Variants in DYM observed in about 807,000 individuals in gnomAD.
The protein encoded by DYM is dyggve-Melchior-Clausen syndrome protein.
Under a neutral mutation model 93.1 loss-of-function variants are expected in DYM, and 78 were observed. The observed-to-expected ratio is 0.84, with a 90% CI of 0.70 to 1.01. DYM has a LOEUF of 1.01. Ranked by LOEUF, DYM falls within the 50% of genes least tolerant of loss-of-function variation. The pLI is 0.00. For missense variants in DYM, 789 were observed against 845.0 expected, an observed-to-expected ratio of 0.93 and a Z score of 0.82; for synonymous variants, 321 against 319.7, an observed-to-expected ratio of 1.00 and a Z score of -0.04.
intron 16 of DYM, among the ~76,000 whole-genome samples, chr18:49,113,863 GA>G (rs2081659621): frequency 6.6e-6 from 1 of 152,150 alleles, no homozygotes; most frequent in Admixed American, 6.5e-5. Flanking sequence ...CACTATTTTG[GA>G]TGATAGTATT....
chr18:49,174,842 A>C (rs1410838894), intron 14 of DYM, among the ~76,000 whole-genome samples: 2 of 151,290 alleles, frequency 1.3e-5, no homozygotes, highest in East Asian at 1.9e-4. Context: ...AGACAGAGAG[A>C]GAGCGAGAAC....
chr18:49,143,677 A>G (rs771297302), intron 15 of DYM, among the ~76,000 whole-genome samples: 7 of 152,294 alleles, frequency 4.6e-5, no homozygotes, highest in Middle Eastern at 3.4e-3. Flanking sequence ...CATAAAATTT[A>G]CCATTGTAAC....
intron 6 of DYM, among the ~76,000 whole-genome samples, chr18:49,339,284 T>C (rs2063905360): frequency 6.6e-6 from 1 of 152,180 alleles, no homozygotes; most frequent in Admixed American, 6.5e-5. Context: ...CACAGAGATA[T>C]GTCTGAGAAA....
At chr18:49,239,495 G>A (rs76816954) in intron 13 of DYM, among the ~76,000 whole-genome samples, 2,291 of 152,250 alleles carry the variant, frequency 0.015, 57 homozygotes, top group African/African-American at 0.052. Flanking sequence ...GGCTGGTCTC[G>A]TGACCTGCTT....
intron 14 of DYM, among the ~76,000 whole-genome samples, chr18:49,166,293 T>C (rs2087854836): frequency 1.3e-5 from 2 of 152,206 alleles, no homozygotes. Flanking sequence ...TTTGTCTATC[T>C]AACAATATAT....
At chr18:49,234,559 G>C (rs10775492) in intron 13 of DYM, among the ~76,000 whole-genome samples, 139,721 of 152,146 alleles carry the variant, frequency 0.92, 64,413 homozygotes, top group African/African-American at 0.96. Context: ...GAAGGAGGAT[G>C]AAACCCTAGG....
At position 49,319,579 on chromosome 18, in the gene DYM, G is replaced by A. The variant is rs1201891126; in HGVS notation, c.763+12285C>T. 2.6e-5 allele frequency among the ~76,000 whole-genome samples: 4 copies of A among 152,152 alleles called. No individual in the cohort carries two copies. In the East Asian group the frequency reaches 5.8e-4, roughly 22 times the overall value. On this transcript the variant is annotated intron_variant, in intron 8 of 17. Transcript: ENST00000675505. ...GTAAACGAGTATTTGTTTTCAGCTC[G>A]CATTTTGTTCTGGACACTTATCACA... is the stretch of plus-strand genomic sequence containing the variant.
At chr18:49,135,138 T>C (rs1418209723) in intron 15 of DYM, among the ~76,000 whole-genome samples, 2 of 151,610 alleles carry the variant, frequency 1.3e-5, no homozygotes, top group Non-Finnish European at 2.9e-5. Flanking sequence ...AAAAACCACT[T>C]CTCTCCAGAT....
chr18:49,363,108 T>C (rs976257810), intron 6 of DYM, 53 bp downstream of exon 6: 5 of 1,403,344 alleles, frequency 3.6e-6, no homozygotes, highest in Non-Finnish European at 5.1e-6. Context: ...GATCAATGAT[T>C]ATCTGCCATA....
chr18:49,441,120 T>TAAA (rs1431193950), intron 1 of DYM, among the ~76,000 whole-genome samples: 154 of 5,340 alleles, frequency 0.029, 5 homozygotes, highest in Non-Finnish European at 0.063. Flanking sequence ...TATAAATATA[T>TAAA]TATATATTTA....
chr18:49,175,008 G>C (rs2089223926), intron 14 of DYM, among the ~76,000 whole-genome samples: 1 of 152,168 alleles, frequency 6.6e-6, no homozygotes. Context: ...TTTACTTGCA[G>C]ATTATAATAG....
chr18:49,057,534 G>A (rs960629569), intron 17 of DYM, among the ~76,000 whole-genome samples: 18 of 152,206 alleles, frequency 1.2e-4, no homozygotes, highest in African/African-American at 4.3e-4. Context: ...TTTGGTAGTG[G>A]CCCAGGAGTC....
chr18:49,204,727 C>T (rs565522240), intron 14 of DYM, among the ~76,000 whole-genome samples: 1 of 152,260 alleles, frequency 6.6e-6, no homozygotes, highest in South Asian at 2.1e-4. Context: ...AACCTCAACT[C>T]GCTACTGAAG....
chr18:49,265,718 T>G (rs1598993832), intron 11 of DYM, among the ~76,000 whole-genome samples: 2 of 141,752 alleles, frequency 1.4e-5, no homozygotes, highest in Admixed American at 1.5e-4. Flanking sequence ...GCAGAGGTTG[T>G]GGTGAGCCGA....
chr18:49,068,644 T>G (rs1288797), intron 17 of DYM, among the ~76,000 whole-genome samples: 104,057 of 152,106 alleles, frequency 0.68, 38,852 homozygotes, highest in Non-Finnish European at 0.84. Flanking sequence ...ACTTGGCTGC[T>G]TTTTTAAAAA....
At chr18:49,416,558 G>T (rs1362491617) in intron 2 of DYM, among the ~76,000 whole-genome samples, 2 of 152,072 alleles carry the variant, frequency 1.3e-5, no homozygotes, top group Non-Finnish European at 2.9e-5. Flanking sequence ...TAAAACAAAA[G>T]AACTTTTTAA....
At chr18:49,088,867 C>A (rs912307916) in intron 17 of DYM, among the ~76,000 whole-genome samples, 1 of 152,208 alleles carries the variant, frequency 6.6e-6, no homozygotes, top group Non-Finnish European at 1.5e-5. Flanking sequence ...TCAGGGCTCA[C>A]TGCAGCCTCA....
chr18:49,395,003 G>A (rs191324569), intron 2 of DYM, among the ~76,000 whole-genome samples: 47 of 151,812 alleles, frequency 3.1e-4, no homozygotes, highest in African/African-American at 1.1e-3. Context: ...TTAAAATACA[G>A]ACTTAAATGT....
At chr18:49,365,992 T>C (rs1388768062) in intron 5 of DYM, among the ~76,000 whole-genome samples, 2 of 152,124 alleles carry the variant, frequency 1.3e-5, no homozygotes, top group East Asian at 1.9e-4. Flanking sequence ...ACATATTTCA[T>C]AGAAGTAAAA....
Sources: allele counts gnomAD v4.1 joint callset (sites outside exome capture counted in the v4.1 genomes callset), GRCh38; gene constraint gnomAD v4.1.1; transcripts MANE v1.5; gene names NCBI Gene and HGNC (gene_info 2026-07-23, HGNC 2026-07-21).